AP1M1: variants seen among roughly 807,000 people sequenced by gnomAD.
The protein encoded by AP1M1 is adaptor related protein complex 1 subunit mu 1, also known as AP-1 complex subunit mu-1.
AP1M1 carries 18 observed loss-of-function variants against 57.1 expected under a neutral mutation model. The ratio of observed to expected loss-of-function variants is 0.32; its 90% CI spans 0.22 to 0.47. The LOEUF is 0.47. Ranked by LOEUF, AP1M1 falls within the 20% of genes least tolerant of loss-of-function variation. The pLI is 1.00. For synonymous variants in AP1M1, 241 were observed against 237.9 expected (o/e 1.01, Z -0.12); for missense variants, 362 against 593.5 (o/e 0.61, Z 4.05).
Position 16,228,398 on chromosome 19 carries a change from A to C in AP1M1, c.888+190A>C, listed in dbSNP as rs1008866088. Among the ~76,000 whole-genome samples the C allele has an allele frequency of 3.9e-5, 6 of 152,142 alleles. No homozygotes were observed. Among genetic ancestry groups the C allele is most frequent in the Admixed American group, 1.3e-4 (2 of 15,280 alleles). On this transcript the variant is annotated intron_variant, in intron 8 of 11. Transcript: ENST00000291439. The surrounding 1 kb of genome is among the most constrained non-coding windows in gnomAD (Gnocchi z 5.0). ...CTCCTAGATGGTGCCACTTGTGGGG[A>C]GGGGCCTGTAGCCAGGCATCCAGGA...
chr19:16,228,351 A>G lies in AP1M1; in HGVS notation c.888+143A>G. Reference sequence around the variant, plus strand: ...CAGATGCAGGAGTGACCTGACACTGAGGGGACACCGCCTGGGGCCTGCTCC... The same window carrying G: ...CAGATGCAGGAGTGACCTGACACTGGGGGGACACCGCCTGGGGCCTGCTCC... On this transcript the variant is annotated intron_variant, in intron 8 of 11. Transcript: ENST00000291439. This position sits in a 1 kb window ranked among gnomAD's most constrained non-coding sequence, Gnocchi z 5.0. 1.2e-6 allele frequency: 1 copy of G among 864,136 alleles called. No homozygotes were observed. The highest frequency in any genetic ancestry group is 1.7e-5 in the African/African-American group (1 of 60,230). The allele number at this position is 864,136 out of a possible 1,614,324, so 53.5% of individuals were successfully genotyped here.
At chr19:16,230,501 A>G (rs2091591425) in intron 9 of AP1M1, among the ~76,000 whole-genome samples, 1 of 151,676 alleles carries the variant, frequency 6.6e-6, no homozygotes, top group Admixed American at 6.6e-5. Context: ...CCCAGGTTCA[A>G]GTGATTCTCC....
intron 10 of AP1M1, chr19:16,233,954 C>A (rs957187156): frequency 1.1e-5 from 6 of 558,966 alleles, no homozygotes; most frequent in African/African-American, 7.5e-5. Context: ...GCCGGGCCCC[C>A]CAAGCAGGCT....
In AP1M1 at chr19:16,208,025, T is replaced by G; in HGVS notation, c.274T>G (p.Ser92Ala). 6.2e-7 allele frequency: 1 copy of G among 1,612,642 alleles called. No individual in the cohort carries two copies. The highest frequency in any genetic ancestry group is 2.2e-5 in the East Asian group (1 of 44,860). ...CCCTCCCCAACCGCCACAGGTGTTT[T>G]CCGAGTACTTCAAGGAGCTGGAGGA... ...SFLYKVVQVF[S>A]EYFKELEEES... Residue 92 changes from serine to alanine, a missense_variant, in exon 4 of 12, where the codon TCC becomes GCC. Around this residue, in one of 2 missense-constraint regions of AP1M1, gnomAD observed 337 missense variants for 511.1 expected, o/e 0.66. Coordinates refer to ENST00000291439, the MANE Select transcript of AP1M1 (RefSeq NM_032493.4).
chr19:16,228,977 A>G lies in AP1M1; in HGVS notation c.1047+49A>G. The G allele has an allele frequency of 6.3e-7, 1 of 1,592,974 alleles. No homozygotes were observed. Among genetic ancestry groups the G allele is most frequent in the Non-Finnish European group, 8.6e-7 (1 of 1,164,880 alleles). On this transcript the variant is annotated intron_variant, in intron 9 of 11. Coordinates refer to ENST00000291439, the MANE Select transcript of AP1M1 (RefSeq NM_032493.4). The surrounding 1 kb of genome is among the most constrained non-coding windows in gnomAD (Gnocchi z 5.0). ...ACGTGCCCCCTGCGCCTGTCTCTGC[A>G]AGGCAGCCTGGGTGCCTCAGGACCC...
Position 16,228,886 on chromosome 19 carries a change from C to G in AP1M1, c.1005C>G (p.Val335=), listed in dbSNP as rs1208592950. The part of the protein sequence containing the change: ...FKTTVGSVKW[V]PENSEIVWSI... ...CGACGGTGGGGAGCGTTAAGTGGGTCCCCGAGAACAGCGAGATCGTGTGGT... is the reference window on the plus strand; with the variant it reads ...CGACGGTGGGGAGCGTTAAGTGGGTGCCCGAGAACAGCGAGATCGTGTGGT... Residue 335 remains valine, a synonymous_variant, in exon 9 of 12, where the codon GTC becomes GTG. Transcript: ENST00000291439. This position sits in a 1 kb window ranked among gnomAD's most constrained non-coding sequence, Gnocchi z 5.0. 17 of 1,614,142 alleles carry G rather than the reference C, an allele frequency of 1.1e-5. No homozygotes were observed. The highest frequency in any genetic ancestry group is 1.4e-5 in the Non-Finnish European group (17 of 1,180,002).
chr19:16,203,477 T>C lies in AP1M1; in HGVS notation c.61T>C (p.Tyr21His). 2 of 1,614,200 alleles carry C rather than the reference T, an allele frequency of 1.2e-6. No individual in the cohort carries two copies. The highest frequency in any genetic ancestry group is 8.5e-7 in the Non-Finnish European group (1 of 1,180,024). Residue 21 changes from tyrosine (Y) to histidine (H), a missense_variant, in exon 2 of 12, where the codon TAC becomes CAC. Physicochemically the swap from Tyr to His is moderately conservative, Grantham distance 83 (BLOSUM62 2). Around this residue, in one of 2 missense-constraint regions of AP1M1, gnomAD observed 337 missense variants for 511.1 expected, o/e 0.66. Coordinates refer to ENST00000291439, the MANE Select transcript of AP1M1 (RefSeq NM_032493.4). The surrounding 1 kb of genome is among the most constrained non-coding windows in gnomAD (Gnocchi z 4.6). Reference protein sequence around the residue: ...LKGKVLICRNYRGDVDMSEVE... With the variant: ...LKGKVLICRNHRGDVDMSEVE... ...ACCCCAGGTGCTCATCTGCCGGAACTACCGTGGCGACGTGGACATGTCAGA... is the reference window on the plus strand; with the variant it reads ...ACCCCAGGTGCTCATCTGCCGGAACCACCGTGGCGACGTGGACATGTCAGA...
chr19:16,208,376 T>TC (rs2091479124), intron 4 of AP1M1: 1 of 425,390 alleles, frequency 2.4e-6, no homozygotes, highest in East Asian at 3.9e-5. Flanking sequence ...ATCTTTACTC[T>TC]CCATCCACAC....
In AP1M1 at chr19:16,208,042, G is replaced by A; in HGVS notation, c.291G>A (p.Glu97=). The change falls in exon 4 of 12, where the codon GAG becomes GAA. Residue 97 remains glutamate (E), a synonymous_variant. Coordinates refer to ENST00000291439, the MANE Select transcript of AP1M1 (RefSeq NM_032493.4). ...VVQVFSEYFK[E]LEEESIRDNF... ...AGGTGTTTTCCGAGTACTTCAAGGA[G>A]CTGGAGGAGGAGAGCATCCGGGACA... is the stretch of plus-strand genomic sequence containing the variant. 1 of 1,613,874 alleles carries A rather than the reference G, an allele frequency of 6.2e-7. No individual in the cohort carries two copies.
At chr19:16,221,860 A>AT (rs1325234704) in intron 5 of AP1M1, among the ~76,000 whole-genome samples, 1 of 151,984 alleles carries the variant, frequency 6.6e-6, no homozygotes, top group Non-Finnish European at 1.5e-5. Context: ...CTAATTTTGT[A>AT]TTTTTAGTAG....
intron 9 of AP1M1, among the ~76,000 whole-genome samples, chr19:16,229,368 G>A (rs368039775): frequency 1.5e-3 from 234 of 152,338 alleles, no homozygotes; most frequent in Non-Finnish European, 2.3e-3. Flanking sequence ...CCAGAGCTCC[G>A]CACCAGCCGC....
chr19:16,229,203 A>G (rs902267771), intron 9 of AP1M1, among the ~76,000 whole-genome samples: 2 of 152,074 alleles, frequency 1.3e-5, no homozygotes, highest in Non-Finnish European at 2.9e-5. Flanking sequence ...CCTCTCTGTG[A>G]TGCCCCTGAG....
intron 5 of AP1M1, among the ~76,000 whole-genome samples, chr19:16,214,252 C>A (rs1220839839): frequency 6.6e-6 from 1 of 151,414 alleles, no homozygotes; most frequent in African/African-American, 2.4e-5. Flanking sequence ...CAGAGTTTCA[C>A]CATGTTAGCC....
At chr19:16,223,593 G>A (rs919525960) in intron 5 of AP1M1, among the ~76,000 whole-genome samples, 2 of 152,254 alleles carry the variant, frequency 1.3e-5, no homozygotes, top group African/African-American at 4.8e-5. Context: ...GAGATGGGGG[G>A]CTTCTGTGTT....
At chr19:16,212,195 C>T (rs868300688) in intron 5 of AP1M1, among the ~76,000 whole-genome samples, 1 of 152,012 alleles carries the variant, frequency 6.6e-6, no homozygotes. Flanking sequence ...CTTCTTTGTA[C>T]GTCTGATAGA....
intron 1 of AP1M1, among the ~76,000 whole-genome samples, chr19:16,198,720 A>G (rs778378648): frequency 2.8e-4 from 42 of 152,154 alleles, no homozygotes; most frequent in Non-Finnish European, 5.3e-4. Context: ...TCATTCGTTT[A>G]TTCAGCTGAT....
intron 1 of AP1M1, among the ~76,000 whole-genome samples, chr19:16,200,573 C>G (rs1273379190): frequency 6.6e-6 from 1 of 152,196 alleles, no homozygotes; most frequent in African/African-American, 2.4e-5. Flanking sequence ...CCACGGACCT[C>G]CTGTTTCCAA....
chr19:16,205,391 C>A (rs778636932), intron 2 of AP1M1, among the ~76,000 whole-genome samples: 2 of 152,158 alleles, frequency 1.3e-5, no homozygotes, highest in Non-Finnish European at 2.9e-5. Context: ...GGTGAGAGGC[C>A]CCCACTGCCC....
chr19:16,218,950 C>T (rs888145873), intron 5 of AP1M1, among the ~76,000 whole-genome samples: 1 of 152,106 alleles, frequency 6.6e-6, no homozygotes, highest in African/African-American at 2.4e-5. Flanking sequence ...TGTTCCTGAT[C>T]TTAGAGGGAG....
Sources: gnomAD v4.1 joint callset for allele counts (sites outside exome capture counted in the v4.1 genomes callset) on GRCh38, gnomAD v4.1.1 for gene constraint, gnomAD v4.1.1 regional missense constraint, Gnocchi (gnomAD v3.1) non-coding constraint, MANE v1.5 for transcripts, NCBI Gene and HGNC (gene_info 2026-07-23, HGNC 2026-07-21) for gene names.